Variants in MECOM observed in about 807,000 individuals in gnomAD.
MECOM encodes MDS1 and EVI1 complex locus, also known as histone-lysine N-methyltransferase MECOM.
MECOM carries 13 observed loss-of-function variants against 116.3 expected under a neutral mutation model. The observed-to-expected ratio is 0.11, with a 90% CI of 0.07 to 0.18. MECOM has a LOEUF of 0.18. MECOM is among the 10% of genes least tolerant of loss of function. The probability of loss-of-function intolerance (pLI) is 1.00; values close to 1 mark genes in which losing one functional copy is unlikely to be tolerated. For missense variants in MECOM, 1,299 were observed against 1,509.0 expected (o/e 0.86, Z 2.31); for synonymous variants, 528 against 535.2 (o/e 0.99, Z 0.19).
chr3:169,603,940 TAG>T (rs1768155078), intron 1 of MECOM, among the ~76,000 whole-genome samples: 1 of 152,196 alleles, frequency 6.6e-6, no homozygotes, highest in Non-Finnish European at 1.5e-5. Context: ...AGAGACTCTG[TAG>T]AGAGTCTGAA....
At chr3:169,514,488 T>C (rs923188973) in intron 1 of MECOM, among the ~76,000 whole-genome samples, 4 of 152,148 alleles carry the variant, frequency 2.6e-5, no homozygotes, top group Non-Finnish European at 5.9e-5. Flanking sequence ...TAAGCAGAAA[T>C]CCTCAGCACT....
At chr3:169,558,188 G>A (rs1019251808) in intron 1 of MECOM, among the ~76,000 whole-genome samples, 2 of 152,118 alleles carry the variant, frequency 1.3e-5, no homozygotes, top group African/African-American at 4.8e-5. Context: ...GGTTTGGAAT[G>A]GCTTATTTTC....
chr3:169,255,345 A>C (rs757576199), intron 2 of MECOM, among the ~76,000 whole-genome samples: 4 of 152,170 alleles, frequency 2.6e-5, no homozygotes, highest in Non-Finnish European at 5.9e-5. Flanking sequence ...GTTAAAAAAC[A>C]ATACAAAACA....
intron 1 of MECOM, among the ~76,000 whole-genome samples, chr3:169,514,702 C>G (rs1756410247): frequency 6.6e-6 from 1 of 152,196 alleles, no homozygotes; most frequent in Non-Finnish European, 1.5e-5. Context: ...CTTTCCTCAG[C>G]ACCTTAAATA....
intron 1 of MECOM, among the ~76,000 whole-genome samples, chr3:169,417,170 A>G (rs1180331674): frequency 6.6e-6 from 1 of 151,444 alleles, no homozygotes; most frequent in Non-Finnish European, 1.5e-5. Flanking sequence ...GTGAACAGGC[A>G]ACCTACAAAA....
At chr3:169,537,883 T>C (rs1464061504) in intron 1 of MECOM, among the ~76,000 whole-genome samples, 3 of 152,198 alleles carry the variant, frequency 2.0e-5, no homozygotes, top group Non-Finnish European at 2.9e-5. Context: ...GTTCACAACC[T>C]ATAAACCTAC....
At chr3:169,386,276 T>C (rs1034757637) in intron 1 of MECOM, among the ~76,000 whole-genome samples, 1 of 152,192 alleles carries the variant, frequency 6.6e-6, no homozygotes, top group Non-Finnish European at 1.5e-5. Flanking sequence ...CCACATTTTC[T>C]CATTTTAATG....
chr3:169,586,973 T>C (rs1765850608), intron 1 of MECOM, among the ~76,000 whole-genome samples: 1 of 152,220 alleles, frequency 6.6e-6, no homozygotes, highest in South Asian at 2.1e-4. Flanking sequence ...GAGGACTATG[T>C]GCCAGTTCCT....
At chr3:169,427,555 A>T (rs1740932502) in intron 1 of MECOM, among the ~76,000 whole-genome samples, 1 of 152,232 alleles carries the variant, frequency 6.6e-6, no homozygotes, top group Non-Finnish European at 1.5e-5. Context: ...ACTTGTGTTG[A>T]CCAAAGAACT....
At chr3:169,383,941 T>C (rs1732885782) in intron 1 of MECOM, among the ~76,000 whole-genome samples, 1 of 152,176 alleles carries the variant, frequency 6.6e-6, no homozygotes, top group African/African-American at 2.4e-5. Context: ...CTAGTCTTCC[T>C]CCTGAGTCAA....
intron 2 of MECOM, among the ~76,000 whole-genome samples, chr3:169,173,555 C>T (rs148386395): frequency 2.6e-5 from 4 of 152,240 alleles, no homozygotes; most frequent in Non-Finnish European, 4.4e-5. Context: ...ACTATCTTAG[C>T]CTCTATGACT....
At chr3:169,141,707 C>T (rs17468398) in intron 3 of MECOM, among the ~76,000 whole-genome samples, 21,944 of 151,826 alleles carry the variant, frequency 0.14, 2,096 homozygotes, top group Non-Finnish European at 0.19. Context: ...GTCAATTGGG[C>T]TAAGAGTGAT....
At chr3:169,376,649 A>G (rs931656561) in intron 2 of MECOM, among the ~76,000 whole-genome samples, 10 of 150,608 alleles carry the variant, frequency 6.6e-5, no homozygotes, top group Non-Finnish European at 1.5e-5. Context: ...TTCAAGGAGA[A>G]CTACAAACCA....
intron 2 of MECOM, among the ~76,000 whole-genome samples, chr3:169,341,796 T>C (rs1462460520): frequency 6.6e-6 from 1 of 150,818 alleles, no homozygotes; most frequent in East Asian, 1.9e-4. Context: ...CAACAAGGTG[T>C]CTATAATGAA....
intron 2 of MECOM, among the ~76,000 whole-genome samples, chr3:169,242,475 C>T (rs1239053618): frequency 1.3e-5 from 2 of 152,196 alleles, no homozygotes; most frequent in Non-Finnish European, 2.9e-5. Context: ...CTCCTGCCTG[C>T]TATTCTCCAA....
chr3:169,481,166 A>G (rs769188576), intron 1 of MECOM, among the ~76,000 whole-genome samples: 52 of 152,314 alleles, frequency 3.4e-4, no homozygotes, highest in Middle Eastern at 3.4e-3. Flanking sequence ...CTGAACACAA[A>G]TCTACTAATG....
chr3:169,443,264 T>C (rs912975009), intron 1 of MECOM, among the ~76,000 whole-genome samples: 3 of 152,104 alleles, frequency 2.0e-5, no homozygotes, highest in African/African-American at 7.2e-5. Context: ...AAAGATTCCA[T>C]TCATGCCCCT....
intron 3 of MECOM, chr3:169,133,903 T>C (rs1457948541): frequency 9.3e-6 from 12 of 1,287,864 alleles, no homozygotes; most frequent in African/African-American, 1.5e-5. Context: ...TCTCAACAGT[T>C]TGAATCACCT....
chr3:169,138,360 T>C (rs1737015139), intron 3 of MECOM, among the ~76,000 whole-genome samples: 1 of 152,134 alleles, frequency 6.6e-6, no homozygotes, highest in Admixed American at 6.6e-5. Context: ...TCCTAGGTAT[T>C]GTTACATGAA....
Sources: gnomAD v4.1 joint callset for allele counts (sites outside exome capture counted in the v4.1 genomes callset) on GRCh38, gnomAD v4.1.1 for gene constraint, MANE v1.5 for transcripts, NCBI Gene and HGNC (gene_info 2026-07-23, HGNC 2026-07-21) for gene names.